The following EYS variants were observed in gnomAD, a reference collection of about 807,000 sequenced individuals.
The protein encoded by EYS is protein eyes shut homolog.
A neutral mutation model predicts 282.1 loss-of-function variants in EYS; 250 were observed. The ratio of observed to expected loss-of-function variants is 0.89; its 90% confidence interval spans 0.80 to 0.98. The LOEUF is 0.98. Among genes scored for constraint, EYS ranks in the 50% least tolerant of loss-of-function variants. The pLI, the probability that EYS is intolerant of heterozygous loss-of-function variation, is 0.00. For missense variants in EYS, 4,016 were observed against 3,709.0 expected (o/e 1.08, Z -2.15); for synonymous variants, 1,355 against 1,282.9 (o/e 1.06, Z -1.20).
At chr6:65,621,502 T>C (rs1766493314) in intron 2 of EYS, among the ~76,000 whole-genome samples, 1 of 150,472 alleles carries the variant, frequency 6.6e-6, no homozygotes, top group Non-Finnish European at 1.5e-5. Context: ...CTTGACTCTT[T>C]ATCCAATTTG....
At chr6:63,761,580 C>A (rs1356069073) in intron 41 of EYS, among the ~76,000 whole-genome samples, 1 of 151,874 alleles carries the variant, frequency 6.6e-6, no homozygotes. Flanking sequence ...GAATATGATA[C>A]TACAATAAAA....
At chr6:63,833,190 C>T (rs1232894550) in intron 36 of EYS, among the ~76,000 whole-genome samples, 1 of 152,090 alleles carries the variant, frequency 6.6e-6, no homozygotes, top group African/African-American at 2.4e-5. Flanking sequence ...CACTCCTATT[C>T]AACATGGTGT....
rs76409352 is a variant in EYS at position 65,682,826 on chromosome 6, A to G, written c.-448+24309T>C. 5.5e-3 allele frequency among the ~76,000 whole-genome samples: 835 copies of G among 152,072 alleles called. 9 individuals are homozygous for G. The highest frequency in any genetic ancestry group is 0.019 in the African/African-American group (783 of 41,542). On this transcript the variant is annotated intron_variant, in intron 1 of 42. Coordinates refer to ENST00000503581, the MANE Select transcript of EYS (RefSeq NM_001142800.2). ...TGTATATAGTAAAAAGAAAGAAAAG[A>G]AGGTAAAATGGCTTTAATATGGAGT...
intron 22 of EYS, among the ~76,000 whole-genome samples, chr6:64,667,330 G>A (rs1769268923): frequency 6.6e-6 from 1 of 151,824 alleles, no homozygotes; most frequent in South Asian, 2.1e-4. Flanking sequence ...TTCCCCTGAT[G>A]TCCTGATGGC....
intron 12 of EYS, among the ~76,000 whole-genome samples, chr6:65,139,815 A>C (rs1764283758): frequency 6.6e-6 from 1 of 152,104 alleles, no homozygotes; most frequent in Admixed American, 6.6e-5. Flanking sequence ...CAAATAACTT[A>C]AAACAGAAGT....
chr6:63,876,161 G>C (rs1342515807), intron 35 of EYS, among the ~76,000 whole-genome samples: 1 of 152,076 alleles, frequency 6.6e-6, no homozygotes, highest in African/African-American at 2.4e-5. Flanking sequence ...CAGAGATTCT[G>C]GTTTGTTGTG....
rs367973256 is a variant in EYS, at chr6:64,796,393, C to T, written c.3443+16985G>A. ...ACTACTACTTCCAGGAAGAAAAGACCAGCAGTGTGTTCTAAAAACCCATTA... is the reference window on the plus strand; with the variant it reads ...ACTACTACTTCCAGGAAGAAAAGACTAGCAGTGTGTTCTAAAAACCCATTA... On this transcript the variant is annotated intron_variant, in intron 22 of 42. Transcript: ENST00000503581. Among the ~76,000 whole-genome samples, 9 of 152,168 alleles carry T rather than the reference C, an allele frequency of 5.9e-5. No individual in the cohort carries two copies. The East Asian group carries it at 1.6e-3, about 26-fold the overall frequency.
intron 41 of EYS, among the ~76,000 whole-genome samples, chr6:63,757,781 C>G (rs1296001304): frequency 6.6e-6 from 1 of 152,132 alleles, no homozygotes. Context: ...AGGGAGGATT[C>G]CAGAAGGACA....
At chr6:64,984,884 G>C (rs1352987159) in intron 14 of EYS, among the ~76,000 whole-genome samples, 4 of 151,452 alleles carry the variant, frequency 2.6e-5, no homozygotes, top group African/African-American at 7.2e-5. Context: ...GGAAATTATT[G>C]ACTTTCAAGA....
At chr6:65,515,888 A>T (rs1562235299) in intron 2 of EYS, among the ~76,000 whole-genome samples, 2 of 151,620 alleles carry the variant, frequency 1.3e-5, no homozygotes, top group Non-Finnish European at 1.5e-5. Context: ...ACATGTATAC[A>T]TATGTAACTA....
At chr6:65,272,806 T>C (rs564527307) in intron 12 of EYS, among the ~76,000 whole-genome samples, 28 of 152,254 alleles carry the variant, frequency 1.8e-4, no homozygotes, top group African/African-American at 4.8e-4. Flanking sequence ...CATTAAAAAG[T>C]ATAACATATC....
At chr6:65,130,196 C>T (rs890786033) in intron 12 of EYS, among the ~76,000 whole-genome samples, 1 of 151,534 alleles carries the variant, frequency 6.6e-6, no homozygotes, top group Admixed American at 6.6e-5. Context: ...GAAAAACTAC[C>T]GCTTGAGTAC....
chr6:65,623,537 A>G (rs1165685855), intron 2 of EYS, among the ~76,000 whole-genome samples: 1 of 152,098 alleles, frequency 6.6e-6, no homozygotes, highest in Non-Finnish European at 1.5e-5. Flanking sequence ...ACACTTACAA[A>G]TTTTTAGTAT....
intron 35 of EYS, among the ~76,000 whole-genome samples, chr6:63,944,586 A>C (rs2149760236): frequency 6.6e-6 from 1 of 152,276 alleles, no homozygotes; most frequent in East Asian, 1.9e-4. Flanking sequence ...TGGTGAGAAC[A>C]CTTTACATCT....
At chr6:65,293,215 C>A (rs1385109998) in intron 12 of EYS, among the ~76,000 whole-genome samples, 1 of 148,128 alleles carries the variant, frequency 6.8e-6, no homozygotes, top group African/African-American at 2.5e-5. Context: ...AAATTTTAGA[C>A]AATACTAGTG....
At chr6:64,074,425 A>G (rs1771694930) in intron 32 of EYS, among the ~76,000 whole-genome samples, 1 of 151,436 alleles carries the variant, frequency 6.6e-6, no homozygotes, top group Non-Finnish European at 1.5e-5. Context: ...GTTTGCTTAG[A>G]TATTAGTTTA....
intron 13 of EYS, among the ~76,000 whole-genome samples, chr6:65,038,201 C>G (rs1047683489): frequency 2.0e-5 from 3 of 151,496 alleles, no homozygotes; most frequent in African/African-American, 7.3e-5. Context: ...AAAATGCATA[C>G]AGTTTTAAAA....
At chr6:64,250,478 G>T (rs1248383645) in intron 30 of EYS, among the ~76,000 whole-genome samples, 1 of 152,146 alleles carries the variant, frequency 6.6e-6, no homozygotes, top group Non-Finnish European at 1.5e-5. Context: ...TGATTTAAAA[G>T]ATTTATTTTA....
At chr6:64,108,350 A>G (rs558582730) in intron 31 of EYS, among the ~76,000 whole-genome samples, 2 of 152,086 alleles carry the variant, frequency 1.3e-5, no homozygotes, top group South Asian at 4.1e-4. Context: ...TGTTTTTCCA[A>G]TGTTGAGGGC....
Sources: allele counts gnomAD v4.1 joint callset (sites outside exome capture counted in the v4.1 genomes callset), GRCh38; gene constraint gnomAD v4.1.1; transcripts MANE v1.5; gene names NCBI Gene and HGNC (gene_info 2026-07-23, HGNC 2026-07-21).